The following CD81 variants were observed in gnomAD, a reference collection of about 807,000 sequenced individuals.
CD81 encodes the protein CD81 molecule, also known as CD81 antigen.
CD81 carries 10 observed loss-of-function variants against 30.1 expected under a neutral mutation model. That is an observed-to-expected ratio of 0.33 (90% CI 0.21 to 0.56). The LOEUF (loss-of-function observed/expected upper bound fraction) is 0.56, where lower values mean the gene tolerates loss of function less well. Among genes scored for constraint, CD81 ranks in the 20% least tolerant of loss-of-function variants. The pLI, the probability that CD81 is intolerant of heterozygous loss-of-function variation, is 0.89. For synonymous variants in CD81, 147 were observed against 126.4 expected (o/e 1.16, Z -1.10); for missense variants, 263 against 308.7 (o/e 0.85, Z 1.11).
intron 2 of CD81, chr11:2,391,555 C>T (rs1589851563): frequency 6.6e-6 from 1 of 152,444 alleles, no homozygotes; most frequent in East Asian, 1.9e-4. Flanking sequence ...AGGGCCGGTG[C>T]TGGGGTCCAG....
In CD81 at chr11:2,394,050, G is replaced by T. The variant is rs375102275; in HGVS notation, c.182-45G>T. On this transcript the variant is annotated intron_variant, in intron 2 of 7. Coordinates refer to ENST00000263645, the MANE Select transcript of CD81 (RefSeq NM_004356.4). Reference sequence around the variant, plus strand: ...CCAGGACCCTCCGGGGTCTTGGGCTGTGGCGAGTGTGTAGGCACCCACCTG... The same window carrying T: ...CCAGGACCCTCCGGGGTCTTGGGCTTTGGCGAGTGTGTAGGCACCCACCTG... 378 of 1,460,624 alleles carry T rather than the reference G, an allele frequency of 2.6e-4. 1 individual carries two copies. The highest frequency in any genetic ancestry group is 3.4e-4 in the Non-Finnish European group (359 of 1,041,166). 90.5% of individuals were successfully genotyped at this position (1,460,624 alleles called of 1,614,324 possible). A position where few individuals can be genotyped will look rare whatever the true frequency, so the allele number is the denominator to read the frequency against.
chr11:2,395,800 A>G (rs746083541), intron 5 of CD81, 69 bp from the exon 6 acceptor site: 28 of 1,084,318 alleles, frequency 2.6e-5, no homozygotes, highest in Non-Finnish European at 3.5e-5. Context: ...CCACCTCCCC[A>G]TGGGTTCCCT....
intron 1 of CD81, among the ~76,000 whole-genome samples, chr11:2,388,336 G>GCCA (rs34333651): frequency 1.6e-5 from 2 of 125,112 alleles, no homozygotes; most frequent in African/African-American, 1.1e-4. Context: ...CCTCACCGAG[G>GCCA]CCCTAGACCC....
In CD81 at chr11:2,377,572, A is replaced by T; in HGVS notation, c.23A>T (p.Lys8Met). 6.6e-7 allele frequency: 1 copy of T among 1,519,666 alleles called. No individual in the cohort carries two copies. Among genetic ancestry groups the T allele is most frequent in the Non-Finnish European group, 8.9e-7 (1 of 1,129,430 alleles). 94.1% of individuals were successfully genotyped at this position (1,519,666 alleles called of 1,614,324 possible). A position where few individuals can be genotyped will look rare whatever the true frequency, so the allele number is the denominator to read the frequency against. MGVEGCT[K>M]CIKYLLFVFN... ...GCCATGGGAGTGGAGGGCTGCACCA[A>T]GTGCATCAAGTACCTGCTCTTCGTC... Residue 8 changes from lysine (K) to methionine (M), a missense_variant, in exon 1 of 8, where the codon AAG (lysine) becomes ATG (methionine). Lys to Met is a moderately conservative substitution (Grantham distance 95). Around this residue, in one of 3 missense-constraint regions of CD81, gnomAD observed 84 missense variants for 98.2 expected, o/e 0.86. Transcript: ENST00000263645. The surrounding 1 kb of genome is among the most constrained non-coding windows in gnomAD (Gnocchi z 7.7).
intron 1 of CD81, chr11:2,379,279 AC>A (rs894048026): frequency 2.6e-6 from 1 of 389,636 alleles, no homozygotes; most frequent in African/African-American, 2.5e-5. Context: ...GAGGGTGTGG[AC>A]CTGGGGGCAG....
intron 1 of CD81, among the ~76,000 whole-genome samples, chr11:2,383,687 C>T (rs1293096814): frequency 6.6e-6 from 1 of 152,136 alleles, no homozygotes; most frequent in Non-Finnish European, 1.5e-5. Flanking sequence ...CTGGTGGACC[C>T]CCTCCCCAAG....
rs905290907 is a variant in CD81 at position 2,396,069 on chromosome 11, C to T, written c.561+99C>T. 17 of 748,852 alleles carry T rather than the reference C, an allele frequency of 2.3e-5. 1 individual carries two copies. Among genetic ancestry groups the T allele is most frequent in the African/African-American group, 8.7e-5 (5 of 57,416 alleles). The allele number at this position is 748,852 out of a possible 1,614,324, so 46.4% of individuals were successfully genotyped here. A position where few individuals can be genotyped will look rare whatever the true frequency, so the allele number is the denominator to read the frequency against. Reference sequence around the variant, plus strand: ...GGTCACACGGCAGCCCCACAGGGAGCGACCACACTGGGTGGCATGGCCCCT... The same window carrying T: ...GGTCACACGGCAGCCCCACAGGGAGTGACCACACTGGGTGGCATGGCCCCT... On this transcript the variant is annotated intron_variant, in intron 6 of 7. Coordinates refer to ENST00000263645, the MANE Select transcript of CD81 (RefSeq NM_004356.4).
rs1237513582 is a variant in CD81 at position 2,396,644 on chromosome 11, A to G, written c.578A>G (p.Lys193Arg). ...CCCCTGCAGGAGGACTGCCACCAGA[A>G]GATCGATGACCTCTTCTCCGGGAAG... is the stretch of plus-strand genomic sequence containing the variant. ...SNLFKEDCHQ[K>R]IDDLFSGKLY... The change falls in exon 7 of 8, where the codon AAG (lysine) becomes AGG (arginine). Residue 193 changes from lysine to arginine, a missense_variant. Physicochemically the swap from Lys to Arg is conservative, Grantham distance 26. Around this residue, in one of 3 missense-constraint regions of CD81, gnomAD observed 176 missense variants for 192.9 expected, o/e 0.91. Transcript: ENST00000263645. The G allele has an allele frequency of 6.2e-7, 1 of 1,611,426 alleles. No individual in the cohort carries two copies. The highest frequency in any genetic ancestry group is 8.5e-7 in the Non-Finnish European group (1 of 1,179,998).
intron 1 of CD81, among the ~76,000 whole-genome samples, chr11:2,382,106 G>T (rs1324675752): frequency 6.6e-6 from 1 of 152,254 alleles, no homozygotes; most frequent in South Asian, 2.1e-4. Context: ...CCACGCCCAA[G>T]GGTGTGGAAG....
At chr11:2,386,625 A>G (rs762036742) in intron 1 of CD81, 1 of 717,204 alleles carries the variant, frequency 1.4e-6, no homozygotes. Flanking sequence ...TAGGGCTGGG[A>G]AGACCAAGGC....
Position 2,397,201 on chromosome 11 carries a change from T to G in CD81, c.*335T>G. Reference sequence around the variant, plus strand: ...GCCCAGAGACTCAGCTTGGCCAACTTGGGGGGCTGTGTCCACCCAGCCCGC... The same window carrying G: ...GCCCAGAGACTCAGCTTGGCCAACTGGGGGGGCTGTGTCCACCCAGCCCGC... On this transcript the variant is annotated 3_prime_UTR_variant, in exon 8 of 8. Transcript: ENST00000263645. 1 of 422,314 alleles carries G rather than the reference T, an allele frequency of 2.4e-6. No individual in the cohort carries two copies. The highest frequency in any genetic ancestry group is 4.4e-6 in the Non-Finnish European group (1 of 225,892). The allele number at this position is 422,314 out of a possible 1,614,324, so 26.2% of individuals were successfully genotyped here.
intron 1 of CD81, among the ~76,000 whole-genome samples, chr11:2,382,705 T>C (rs1006671281): frequency 1.3e-5 from 2 of 152,210 alleles, no homozygotes; most frequent in Non-Finnish European, 2.9e-5. Flanking sequence ...GCCAGGAGCA[T>C]GATATCCGCT....
chr11:2,390,407 C>T lies in CD81; in HGVS notation c.67-5C>T, dbSNP rs1458454464. On this transcript the variant is annotated splice_polypyrimidine_tract_variant and splice_region_variant and intron_variant, in intron 1 of 7. Coordinates refer to ENST00000263645, the MANE Select transcript of CD81 (RefSeq NM_004356.4). ...ACATGTGACACTGTTCCCGCTCTTT[C>T]CCAGCTGGCTGGAGGCGTGATCCTG... is the stretch of plus-strand genomic sequence containing the variant. 1 of 1,610,096 alleles carries T rather than the reference C, an allele frequency of 6.2e-7. No individual in the cohort carries two copies. The highest frequency in any genetic ancestry group is 8.5e-7 in the Non-Finnish European group (1 of 1,177,720).
At position 2,390,504 on chromosome 11, in the gene CD81, C is replaced by T. The variant is rs200365372; in HGVS notation, c.159C>T (p.Pro53=). Residue 53 remains proline (P), a synonymous_variant, in exon 2 of 8, where the codon CCC becomes CCT. Coordinates refer to ENST00000263645, the MANE Select transcript of CD81 (RefSeq NM_004356.4). The part of the protein sequence containing the change: ...NLLYLELGDK[P]APNTFYVGIY... ...TGTATCTGGAGCTGGGAGACAAGCC[C>T]GCGCCCAACACCTTCTATGTAGGTG... 414 of 1,612,548 alleles carry T rather than the reference C, an allele frequency of 2.6e-4. 3 individuals carry two copies. Among genetic ancestry groups the T allele is most frequent in the Middle Eastern group, 4.9e-4 (3 of 6,084 alleles).
intron 1 of CD81, among the ~76,000 whole-genome samples, chr11:2,388,959 G>A (rs1482988568): frequency 6.6e-6 from 1 of 152,204 alleles, no homozygotes; most frequent in Non-Finnish European, 1.5e-5. Context: ...GCTGTGCACG[G>A]CTCATCTGCC....
rs1253318047 is a variant in CD81 at position 2,378,667 on chromosome 11, GCCTCCCC to G, written c.66+1053_66+1059del. 6.6e-6 allele frequency among the ~76,000 whole-genome samples: 1 copy of G among 152,186 alleles called. No individual in the cohort carries two copies. Among genetic ancestry groups the G allele is most frequent in the African/African-American group, 2.4e-5 (1 of 41,452 alleles). On this transcript the variant is annotated intron_variant, in intron 1 of 7. Transcript: ENST00000263645. This position sits in a 1 kb window ranked among gnomAD's most constrained non-coding sequence, Gnocchi z 4.9. ...ACTGGAGTGGGTGTCCATGGCCGCGGCCTCCCCGTGGCCACGCCCCTGGGCATAGACT... is the reference window on the plus strand; with the variant it reads ...ACTGGAGTGGGTGTCCATGGCCGCGGGTGGCCACGCCCCTGGGCATAGACT...
At chr11:2,382,335 C>G (rs1302484157) in intron 1 of CD81, 1 of 152,394 alleles carries the variant, frequency 6.6e-6, no homozygotes, top group African/African-American at 2.4e-5. Context: ...GGTGGCCCAG[C>G]AGGGGAGCTT....
intron 1 of CD81, among the ~76,000 whole-genome samples, chr11:2,382,980 G>A (rs1589846474): frequency 1.3e-5 from 2 of 152,156 alleles, no homozygotes; most frequent in African/African-American, 2.4e-5. Context: ...CTTGGTCCTC[G>A]GGGCACTGGT....
chr11:2,380,622 G>C (rs138855561), intron 1 of CD81, among the ~76,000 whole-genome samples: 1 of 152,152 alleles, frequency 6.6e-6, no homozygotes, highest in African/African-American at 2.4e-5. Context: ...GCCAAGCAGC[G>C]TGGAAATCCT....
Sources: allele counts gnomAD v4.1 joint callset (sites outside exome capture counted in the v4.1 genomes callset), GRCh38; gene constraint gnomAD v4.1.1; regional missense constraint gnomAD v4.1.1; non-coding constraint Gnocchi (gnomAD v3.1); transcripts MANE v1.5; gene names NCBI Gene and HGNC (gene_info 2026-07-23, HGNC 2026-07-21).